The following SRBD1 variants were observed in gnomAD, a reference collection of about 807,000 sequenced individuals.
The protein encoded by SRBD1 is S1 RNA binding domain 1, also known as S1 RNA-binding domain-containing protein 1.
In SRBD1, 88 loss-of-function variants were observed where a neutral mutation model predicts 115.3. That is an observed-to-expected ratio of 0.76 (90% CI 0.64 to 0.91). The LOEUF is 0.91. Among genes scored for constraint, SRBD1 ranks in the 40% least tolerant of loss-of-function variants. The pLI is 0.00. For missense variants in SRBD1, 1,385 were observed against 1,177.4 expected (o/e 1.18, Z -2.58); for synonymous variants, 509 against 407.7 (o/e 1.25, Z -2.99).
intron 16 of SRBD1, among the ~76,000 whole-genome samples, chr2:45,452,680 A>G (rs1669030606): frequency 6.6e-6 from 1 of 152,006 alleles, no homozygotes; most frequent in African/African-American, 2.4e-5. Context: ...GTACTATAGC[A>G]TTCATAGATC....
chr2:45,457,526 T>C lies in SRBD1; in HGVS notation c.2049+19467A>G, dbSNP rs966806807. ...CCAATTAAGCTAGAAGTAATCTTTT[T>C]ATTTCAAATCTCAACTTCATGGTAT... is the stretch of plus-strand genomic sequence containing the variant. On this transcript the variant is annotated intron_variant, in intron 16 of 20. Transcript: ENST00000263736. Among the ~76,000 whole-genome samples the C allele has an allele frequency of 5.3e-5, 8 of 152,150 alleles. 1 individual carries two copies. Among genetic ancestry groups the C allele is most frequent in the Admixed American group, 5.2e-4 (8 of 15,256 alleles).
chr2:45,477,541 C>T (rs1669839787), intron 15 of SRBD1, among the ~76,000 whole-genome samples: 1 of 152,070 alleles, frequency 6.6e-6, no homozygotes. Flanking sequence ...ACGGAATTAC[C>T]TCCTTTTTTA....
At chr2:45,553,935 A>C (rs543871640) in intron 10 of SRBD1, among the ~76,000 whole-genome samples, 1 of 152,204 alleles carries the variant, frequency 6.6e-6, no homozygotes, top group East Asian at 1.9e-4. Context: ...CCTAGTAACT[A>C]TCTATGGTCA....
At chr2:45,594,284 G>C (rs897486207) in intron 4 of SRBD1, among the ~76,000 whole-genome samples, 4 of 151,992 alleles carry the variant, frequency 2.6e-5, no homozygotes, top group Non-Finnish European at 4.4e-5. Flanking sequence ...TTGCAACAAA[G>C]GGAAAACAGC....
At chr2:45,401,272 T>A (rs147069019) in intron 19 of SRBD1, among the ~76,000 whole-genome samples, 1 of 152,142 alleles carries the variant, frequency 6.6e-6, no homozygotes, top group Non-Finnish European at 1.5e-5. Flanking sequence ...ATAGAGAGAC[T>A]GCTGTATCTT....
intron 14 of SRBD1, among the ~76,000 whole-genome samples, chr2:45,525,568 T>C (rs1430143988): frequency 6.6e-6 from 1 of 151,968 alleles, no homozygotes; most frequent in African/African-American, 2.4e-5. Context: ...CTTAAAAAAA[T>C]GCTGAGAGTG....
intron 15 of SRBD1, among the ~76,000 whole-genome samples, chr2:45,483,685 C>G (rs1186168125): frequency 6.6e-6 from 1 of 152,040 alleles, no homozygotes; most frequent in Non-Finnish European, 1.5e-5. Context: ...CAATATTCAT[C>G]TCATTTTATC....
chr2:45,599,378 G>C, intron 4 of SRBD1, 71 bp downstream of exon 4: 1 of 1,512,380 alleles, frequency 6.6e-7, no homozygotes, highest in South Asian at 1.3e-5. Context: ...CCCTTAGACA[G>C]TACAACCCCT....
chr2:45,541,356 T>C (rs952484429), intron 14 of SRBD1, among the ~76,000 whole-genome samples: 3 of 152,258 alleles, frequency 2.0e-5, no homozygotes, highest in African/African-American at 7.2e-5. Flanking sequence ...CCCAAAGGGC[T>C]GCAGCTCTTT....
chr2:45,445,550 T>TAAAAAAAA (rs59451865), intron 16 of SRBD1, among the ~76,000 whole-genome samples: 76 of 37,000 alleles, frequency 2.1e-3, no homozygotes, highest in East Asian at 4.0e-3. Flanking sequence ...TTCCCAGAGG[T>TAAAAAAAA]AAAAAAAAAA....
chr2:45,583,030 G>C (rs1297524486), intron 5 of SRBD1, among the ~76,000 whole-genome samples: 4 of 152,106 alleles, frequency 2.6e-5, no homozygotes, highest in Non-Finnish European at 5.9e-5. Flanking sequence ...CTTTACAACA[G>C]GTTTTCACTG....
chr2:45,464,221 TG>T (rs1387753237), intron 16 of SRBD1, among the ~76,000 whole-genome samples: 1 of 152,170 alleles, frequency 6.6e-6, no homozygotes, highest in Non-Finnish European at 1.5e-5. Flanking sequence ...TTCAACTACA[TG>T]GCCATTCTAA....
chr2:45,408,390 G>A (rs1253799019), intron 19 of SRBD1, among the ~76,000 whole-genome samples: 2 of 152,152 alleles, frequency 1.3e-5, no homozygotes, highest in Non-Finnish European at 2.9e-5. Context: ...GCCGAGAAGC[G>A]ATCATCTCTA....
At chr2:45,524,391 T>C (rs1015020188) in intron 14 of SRBD1, among the ~76,000 whole-genome samples, 19 of 152,022 alleles carry the variant, frequency 1.2e-4, no homozygotes, top group African/African-American at 4.3e-4. Context: ...TTATTTTGCA[T>C]ATAGAAAATC....
chr2:45,483,455 T>C (rs1365306743), intron 15 of SRBD1, among the ~76,000 whole-genome samples: 1 of 152,040 alleles, frequency 6.6e-6, no homozygotes, highest in Non-Finnish European at 1.5e-5. Context: ...TGCAGTAGCC[T>C]TGAAAGCAAC....
At position 45,462,782 on chromosome 2, in the gene SRBD1, C is replaced by T. The variant is rs372460270; in HGVS notation, c.2049+14211G>A. ...CAGAGCTTGCAGTGAGCTGAGATCGCGCCACTGCACTCCAGCCTGGGCAAC... is the reference window on the plus strand; with the variant it reads ...CAGAGCTTGCAGTGAGCTGAGATCGTGCCACTGCACTCCAGCCTGGGCAAC... On this transcript the variant is annotated intron_variant, in intron 16 of 20. Coordinates refer to ENST00000263736, the MANE Select transcript of SRBD1 (RefSeq NM_018079.5). Among the ~76,000 whole-genome samples, 18 of 151,816 alleles carry T rather than the reference C, an allele frequency of 1.2e-4. No individual in the cohort carries two copies. In the South Asian group the frequency reaches 3.3e-3, roughly 28 times the overall value.
At chr2:45,568,815 T>C (rs1436670846) in intron 9 of SRBD1, among the ~76,000 whole-genome samples, 1 of 152,260 alleles carries the variant, frequency 6.6e-6, no homozygotes. Flanking sequence ...GCAAAAGGAA[T>C]GTTAGTATAC....
At chr2:45,470,599 T>C (rs1336811834) in intron 16 of SRBD1, among the ~76,000 whole-genome samples, 1 of 152,036 alleles carries the variant, frequency 6.6e-6, no homozygotes, top group Non-Finnish European at 1.5e-5. Context: ...GAAGAAAAAA[T>C]TATCAAGTAA....
chr2:45,454,247 G>A (rs986179926), intron 16 of SRBD1, among the ~76,000 whole-genome samples: 1 of 151,834 alleles, frequency 6.6e-6, no homozygotes, highest in African/African-American at 2.4e-5. Context: ...GTGTAAGATC[G>A]TGGTACTGTG....
Sources: allele counts gnomAD v4.1 joint callset (sites outside exome capture counted in the v4.1 genomes callset), GRCh38; gene constraint gnomAD v4.1.1; transcripts MANE v1.5; gene names NCBI Gene and HGNC (gene_info 2026-07-23, HGNC 2026-07-21).